The following PRDM11 variants were observed in gnomAD, a reference collection of about 807,000 sequenced individuals.
PRDM11 encodes the protein PR domain-containing protein 11.
In PRDM11, 20 loss-of-function variants were observed where a neutral mutation model predicts 97.8. The ratio of observed to expected loss-of-function variants is 0.20; its 90% CI spans 0.14 to 0.30. The LOEUF (loss-of-function observed/expected upper bound fraction) is 0.30, where lower values mean the gene tolerates loss of function less well. Ranked by LOEUF, PRDM11 falls within the 10% of genes least tolerant of loss-of-function variation. The pLI, the probability that PRDM11 is intolerant of heterozygous loss-of-function variation, is 1.00. For missense variants in PRDM11, 1,139 were observed against 1,555.2 expected, an observed-to-expected ratio of 0.73 and a Z score of 4.50; for synonymous variants, 599 against 637.7, an observed-to-expected ratio of 0.94 and a Z score of 0.91.
At chr11:45,126,286 A>C (rs1852570094) in intron 1 of PRDM11, among the ~76,000 whole-genome samples, 4 of 151,958 alleles carry the variant, frequency 2.6e-5, no homozygotes, top group African/African-American at 9.7e-5. Flanking sequence ...TTGACTCTTT[A>C]TCCAATTTGC....
chr11:45,117,193 G>C (rs1852320590), intron 1 of PRDM11, among the ~76,000 whole-genome samples: 2 of 132,788 alleles, frequency 1.5e-5, no homozygotes, highest in Admixed American at 8.4e-5. Context: ...CTGCACTCCA[G>C]CCTGGGCAAC....
At chr11:45,108,751 G>T (rs1026979719) in intron 1 of PRDM11, among the ~76,000 whole-genome samples, 2 of 152,276 alleles carry the variant, frequency 1.3e-5, no homozygotes, top group South Asian at 4.1e-4. Context: ...AGCTATGTGG[G>T]GACCCAGGCC....
intron 1 of PRDM11, among the ~76,000 whole-genome samples, chr11:45,130,933 C>T (rs1416069170): frequency 6.6e-6 from 1 of 152,022 alleles, no homozygotes; most frequent in Non-Finnish European, 1.5e-5. Flanking sequence ...GTACACATGT[C>T]CATCAAAAAA....
intron 5 of PRDM11, chr11:45,212,862 C>T (rs1045943715): frequency 9.6e-5 from 42 of 438,302 alleles, no homozygotes; most frequent in Admixed American, 3.1e-4. Flanking sequence ...ATGTGCCAGA[C>T]GCTGACAGAG....
chr11:45,103,580 G>T (rs1217880803), intron 1 of PRDM11, among the ~76,000 whole-genome samples: 1 of 151,902 alleles, frequency 6.6e-6, no homozygotes, highest in African/African-American at 2.4e-5. Flanking sequence ...CTTTGGCAGG[G>T]TATTGACCAA....
intron 1 of PRDM11, among the ~76,000 whole-genome samples, chr11:45,172,197 A>G (rs1309763386): frequency 1.3e-5 from 2 of 152,242 alleles, no homozygotes; most frequent in African/African-American, 4.8e-5. Flanking sequence ...GGCAAGGTGT[A>G]GAGGAAGGGA....
intron 5 of PRDM11, among the ~76,000 whole-genome samples, chr11:45,207,906 A>G (rs1462793528): frequency 6.6e-6 from 1 of 152,226 alleles, no homozygotes; most frequent in Non-Finnish European, 1.5e-5. Flanking sequence ...GCTTTCCTCC[A>G]TACCCTCATG....
intron 1 of PRDM11, among the ~76,000 whole-genome samples, chr11:45,122,002 T>A (rs542973108): frequency 8.9e-4 from 135 of 151,616 alleles, no homozygotes; most frequent in Non-Finnish European, 1.7e-3. Flanking sequence ...AGCTTCCCTC[T>A]CAGGAAGATA....
upstream of PRDM11, among the ~76,000 whole-genome samples, chr11:45,143,217 C>T (rs1296789201): frequency 2.6e-5 from 4 of 152,188 alleles, no homozygotes; most frequent in Admixed American, 2.6e-4. Flanking sequence ...TAAACAATGT[C>T]CTTGTTTTAC....
At chr11:45,180,153 G>T (rs1286805247) in intron 1 of PRDM11, among the ~76,000 whole-genome samples, 1 of 152,224 alleles carries the variant, frequency 6.6e-6, no homozygotes. Context: ...CATGACCTTC[G>T]GCAAGTCGCT....
At chr11:45,108,921 G>T (rs1163441221) in intron 1 of PRDM11, among the ~76,000 whole-genome samples, 1 of 152,268 alleles carries the variant, frequency 6.6e-6, no homozygotes, top group African/African-American at 2.4e-5. Flanking sequence ...AATACACGCA[G>T]ATTCTGCATT....
chr11:45,225,074 G>A (rs1214489174), intron 7 of PRDM11: 1 of 1,437,458 alleles, frequency 7.0e-7, no homozygotes, highest in Non-Finnish European at 9.1e-7. Context: ...TGTCAATAAA[G>A]GAAGTTCCGC....
chr11:45,208,769 C>T (rs1056872359), intron 5 of PRDM11: 3 of 360,724 alleles, frequency 8.3e-6, no homozygotes, highest in Non-Finnish European at 1.7e-5. Context: ...CAGGTTGCCC[C>T]AGGTGCCTCC....
chr11:45,189,833 G>A (rs980482569), intron 4 of PRDM11, among the ~76,000 whole-genome samples: 2 of 152,174 alleles, frequency 1.3e-5, no homozygotes, highest in African/African-American at 2.4e-5. Flanking sequence ...GGGACAGGCA[G>A]GTGTTACCAA....
At chr11:45,125,432 A>T (rs1852543582) in intron 1 of PRDM11, among the ~76,000 whole-genome samples, 1 of 152,076 alleles carries the variant, frequency 6.6e-6, no homozygotes, top group South Asian at 2.1e-4. Flanking sequence ...TTGTGATGTT[A>T]GGGTGTCAAT....
At chr11:45,185,189 T>G (rs910183868) in intron 4 of PRDM11, among the ~76,000 whole-genome samples, 1 of 152,232 alleles carries the variant, frequency 6.6e-6, no homozygotes, top group Admixed American at 6.5e-5. Flanking sequence ...GGTCTGAACC[T>G]GAGGCAATTT....
rs374328558 is a variant in PRDM11, at chr11:45,221,081, G to A, written c.742+1324G>A. Among the ~76,000 whole-genome samples, 49 of 152,206 alleles carry A rather than the reference G, an allele frequency of 3.2e-4. No individual in the cohort carries two copies. In the South Asian group the frequency reaches 0.01, roughly 32 times the overall value. On this transcript the variant is annotated intron_variant, in intron 6 of 7. Coordinates refer to ENST00000683152, the MANE Select transcript of PRDM11 (RefSeq NM_001384648.1). ...GAGGGGAGAAGATGAAAAGGGGGTG[G>A]GAGTGACTTATTCAAATTAAGCTAT...
chr11:45,121,361 A>C (rs551922278), intron 1 of PRDM11, among the ~76,000 whole-genome samples: 1 of 152,306 alleles, frequency 6.6e-6, no homozygotes, highest in South Asian at 2.1e-4. Flanking sequence ...GTGTGGTTAT[A>C]TTACTATCTG....
chr11:45,199,515 A>G (rs1044695501), intron 4 of PRDM11, among the ~76,000 whole-genome samples: 3 of 152,144 alleles, frequency 2.0e-5, no homozygotes, highest in African/African-American at 7.2e-5. Flanking sequence ...GCCTCTCACC[A>G]TGCAGGTTCC....
Sources: gnomAD v4.1 joint callset for allele counts (sites outside exome capture counted in the v4.1 genomes callset) on GRCh38, gnomAD v4.1.1 for gene constraint, MANE v1.5 for transcripts, NCBI Gene and HGNC (gene_info 2026-07-23, HGNC 2026-07-21) for gene names.